Variants in CDH5 observed in about 807,000 individuals in gnomAD.
CDH5 encodes cadherin 5.
A neutral mutation model predicts 62.0 loss-of-function variants in CDH5; 28 were observed. The ratio of observed to expected loss-of-function variants is 0.45; its 90% CI spans 0.33 to 0.62. The LOEUF (loss-of-function observed/expected upper bound fraction) is 0.62, where lower values mean the gene tolerates loss of function less well. Ranked by LOEUF, CDH5 falls within the 20% of genes least tolerant of loss-of-function variation. The pLI is 0.02. For missense variants in CDH5, 940 were observed against 1,065.1 expected, an observed-to-expected ratio of 0.88 and a Z score of 1.63; for synonymous variants, 464 against 445.8, an observed-to-expected ratio of 1.04 and a Z score of -0.52.
intron 1 of CDH5, chr16:66,376,478 C>A (rs1373121605): frequency 2.0e-5 from 3 of 152,222 alleles, no homozygotes; most frequent in Admixed American, 6.5e-5. Flanking sequence ...GGGTTCCCAG[C>A]AGGAAACAGA....
intron 7 of CDH5, chr16:66,392,722 C>A (rs1393071692): frequency 7.5e-6 from 2 of 266,734 alleles, no homozygotes; most frequent in Non-Finnish European, 1.4e-5. Flanking sequence ...CACCAGAGGC[C>A]CCTTCACTAA....
At chr16:66,392,457 C>A in intron 7 of CDH5, 74 bp downstream of exon 7, 1 of 1,575,112 alleles carries the variant, frequency 6.3e-7, no homozygotes, top group Non-Finnish European at 8.7e-7. Flanking sequence ...TGGTCTGAGG[C>A]CAGGACTCAG....
At position 66,389,593 on chromosome 16, in the gene CDH5, GAA is replaced by G. The variant is rs148644344; in HGVS notation, c.781+74_781+75del. 2,265 of 1,322,092 alleles carry G rather than the reference GAA, an allele frequency of 1.7e-3. 26 individuals carry two copies. In the African/African-American group the frequency reaches 0.027, roughly 16 times the overall value. The allele number at this position is 1,322,092 out of a possible 1,614,324, so 81.9% of individuals were successfully genotyped here. On this transcript the variant is annotated intron_variant, in intron 5 of 11. Transcript: ENST00000341529. ...CAGACTCAGTGACTTGGGGCTCTGG[GAA>G]AAGAGTTACAAATCACTTTACCTCT...
At chr16:66,389,683 C>T (rs117074629) in intron 5 of CDH5, among the ~76,000 whole-genome samples, 161 bp downstream of exon 5, 232 of 152,216 alleles carry the variant, frequency 1.5e-3, no homozygotes, top group Middle Eastern at 3.4e-3. Flanking sequence ...AGGGGCCCTG[C>T]TTCCATCCCA....
At chr16:66,390,686 C>T (rs1169791018) in intron 6 of CDH5, 96 bp downstream of exon 6, 6 of 1,147,502 alleles carry the variant, frequency 5.2e-6, no homozygotes, top group Non-Finnish European at 7.5e-6. Context: ...CAGAGACCAT[C>T]AAAGGACCAT....
chr16:66,398,598 G>T, intron 10 of CDH5, 37 bp downstream of exon 10: 1 of 1,068,758 alleles, frequency 9.4e-7, no homozygotes, highest in South Asian at 1.3e-5. Context: ...TGGGCGTGAT[G>T]ACCCACACCT....
At position 66,402,648 on chromosome 16, in the gene CDH5, G is replaced by A; in HGVS notation, c.1838-4G>A. 2 of 1,577,206 alleles carry A rather than the reference G, an allele frequency of 1.3e-6. No individual in the cohort carries two copies. The highest frequency in any genetic ancestry group is 1.7e-5 in the Admixed American group (1 of 57,196). On this transcript the variant is annotated splice_region_variant and splice_polypyrimidine_tract_variant and intron_variant, in intron 11 of 11. Coordinates refer to ENST00000341529, the MANE Select transcript of CDH5 (RefSeq NM_001795.5). ...GACTCTGCTGCTCGGCTCCCTGGCTGCAGTGATCACCCTGCTCATCTTCCT... is the reference window on the plus strand; with the variant it reads ...GACTCTGCTGCTCGGCTCCCTGGCTACAGTGATCACCCTGCTCATCTTCCT...
chr16:66,379,986 C>T (rs12929032), intron 2 of CDH5, among the ~76,000 whole-genome samples: 2,272 of 10,384 alleles, frequency 0.22, 71 homozygotes, highest in Non-Finnish European at 0.28. Flanking sequence ...GTGGTGATCA[C>T]GGTGATGGTG....
intron 2 of CDH5, among the ~76,000 whole-genome samples, chr16:66,382,517 G>T (rs1294719595): frequency 6.6e-6 from 1 of 152,152 alleles, no homozygotes; most frequent in Non-Finnish European, 1.5e-5. Flanking sequence ...TGGGATAATT[G>T]TGCCTTGAAT....
rs149810324 is a variant in CDH5, at chr16:66,389,458, G to T, written c.717G>T (p.Ser239=). ...ATGCCCAGGGCCTCCGGGGGGACTC[G>T]GGCACGGCCACCGTGCTGGTCACTC... ...ARDAQGLRGD[S]GTATVLVTLQ... The change falls in exon 5 of 12, where the codon TCG becomes TCT. Residue 239 remains serine (S), a synonymous_variant. Transcript: ENST00000341529. 1.9e-6 allele frequency: 3 copies of T among 1,612,914 alleles called. No homozygotes were observed. In the African/African-American group the frequency reaches 4.0e-5, roughly 22 times the overall value.
chr16:66,395,091 T>TGGGCTG (rs1318063127), intron 7 of CDH5, among the ~76,000 whole-genome samples: 1 of 131,160 alleles, frequency 7.6e-6, no homozygotes, highest in Admixed American at 8.1e-5. Flanking sequence ...CTCTGTCACC[T>TGGGCTG]GGGCTGGGCT....
At chr16:66,373,256 T>C (rs1960724707) in intron 1 of CDH5, among the ~76,000 whole-genome samples, 1 of 152,174 alleles carries the variant, frequency 6.6e-6, no homozygotes, top group Non-Finnish European at 1.5e-5. Flanking sequence ...AAAAGGGCTA[T>C]GACCACATCT....
intron 6 of CDH5, 51 bp downstream of exon 6, chr16:66,390,641 C>T: frequency 1.3e-6 from 2 of 1,548,624 alleles, no homozygotes; most frequent in Non-Finnish European, 8.9e-7. Flanking sequence ...GGGCTCTTGG[C>T]ACCCACAGGT....
intron 1 of CDH5, among the ~76,000 whole-genome samples, chr16:66,375,555 TAAAAATAA>T (rs1437564953): frequency 2.6e-5 from 4 of 151,032 alleles, no homozygotes; most frequent in Admixed American, 1.3e-4. Context: ...AAAATAAAAA[TAAAAATAA>T]AAAAATAAAA....
intron 1 of CDH5, among the ~76,000 whole-genome samples, chr16:66,378,741 C>G (rs920471200): frequency 8.5e-5 from 13 of 152,198 alleles, no homozygotes; most frequent in African/African-American, 2.7e-4. Context: ...TCCGTCCTAG[C>G]ACATGTGACT....
chr16:66,388,240 C>A, intron 3 of CDH5, 84 bp from the exon 4 acceptor site: 2 of 849,544 alleles, frequency 2.4e-6, no homozygotes, highest in Non-Finnish European at 4.0e-6. Context: ...AGAGCACAGC[C>A]TGAGCCCCAT....
chr16:66,373,277 C>CA (rs1282280163), intron 1 of CDH5, among the ~76,000 whole-genome samples: 1 of 152,152 alleles, frequency 6.6e-6, no homozygotes, highest in African/African-American at 2.4e-5. Context: ...CCAGAGGCTG[C>CA]AGCCAAGAGA....
At chr16:66,375,422 T>A (rs984758633) in intron 1 of CDH5, among the ~76,000 whole-genome samples, 3 of 151,892 alleles carry the variant, frequency 2.0e-5, no homozygotes, top group Non-Finnish European at 4.4e-5. Context: ...CATACCTCCT[T>A]GTGGGGCTGA....
chr16:66,402,962 G>C lies in CDH5; in HGVS notation c.2148G>C (p.Ala716=), dbSNP rs771378915. The C allele has an allele frequency of 6.2e-7, 1 of 1,612,874 alleles. No homozygotes were observed. The highest frequency in any genetic ancestry group is 2.2e-5 in the East Asian group (1 of 44,844). ...AAMIEVKKDE[A]DHDGDGPPYD... is the part of the protein sequence containing the mutation. ...TGATCGAGGTGAAGAAGGACGAGGC[G>C]GACCACGACGGCGACGGCCCCCCCT... Residue 716 remains alanine, a synonymous_variant, in exon 12 of 12, where the codon GCG becomes GCC. Coordinates refer to ENST00000341529, the MANE Select transcript of CDH5 (RefSeq NM_001795.5).
Sources: gnomAD v4.1 joint callset for allele counts (sites outside exome capture counted in the v4.1 genomes callset) on GRCh38, gnomAD v4.1.1 for gene constraint, MANE v1.5 for transcripts, NCBI Gene and HGNC (gene_info 2026-07-23, HGNC 2026-07-21) for gene names.